Variants in NLRP9 observed in about 807,000 individuals in gnomAD.
NLRP9 encodes NLR family pyrin domain containing 9.
In NLRP9, 88 loss-of-function variants were observed where a neutral mutation model predicts 83.1. That is an observed-to-expected ratio of 1.06 (90% CI 0.89 to 1.26). The LOEUF is 1.26. Among genes scored for constraint, NLRP9 ranks in the 50% most tolerant of loss-of-function variants. NLRP9 has a pLI of 0.00. For missense variants in NLRP9, 1,308 were observed against 1,179.3 expected, an observed-to-expected ratio of 1.11 and a Z score of -1.60; for synonymous variants, 521 against 447.6, an observed-to-expected ratio of 1.16 and a Z score of -2.07.
chr19:55,712,348 T>C, intron 7 of NLRP9, 72 bp downstream of exon 7: 5 of 1,324,350 alleles, frequency 3.8e-6, no homozygotes, highest in Non-Finnish European at 4.3e-6. Context: ...CCTTCCATTC[T>C]ATTGACCCTC....
At chr19:55,730,455 G>GAAAAA (rs748459490) in intron 2 of NLRP9, among the ~76,000 whole-genome samples, 4 of 115,372 alleles carry the variant, frequency 3.5e-5, no homozygotes, top group Non-Finnish European at 7.6e-5. Context: ...CCTGCCTCAA[G>GAAAAA]AAAAAAAAAA....
intron 6 of NLRP9, among the ~76,000 whole-genome samples, chr19:55,714,461 CG>C (rs1472060634): frequency 6.6e-6 from 1 of 152,142 alleles, no homozygotes; most frequent in Non-Finnish European, 1.5e-5. Flanking sequence ...CAGGGCCACT[CG>C]GGACTCCATC....
At chr19:55,727,231 G>A (rs966834564) in intron 3 of NLRP9, among the ~76,000 whole-genome samples, 4 of 152,068 alleles carry the variant, frequency 2.6e-5, no homozygotes, top group African/African-American at 2.4e-5. Flanking sequence ...CAGCCTGGGC[G>A]GCAGAGACTC....
chr19:55,733,071 G>A lies in NLRP9; in HGVS notation c.760C>T (p.Pro254Ser), dbSNP rs1292065673. The change falls in exon 2 of 9, where the codon CCA becomes TCA. Residue 254 changes from proline to serine, a missense_variant. Physicochemically the swap from Pro to Ser is moderately conservative, Grantham distance 74. Transcript: ENST00000332836. Reference protein sequence around the residue: ...SDDWRQRQPMPIILSSLLQKK... With the variant: ...SDDWRQRQPMSIILSSLLQKK... Reference sequence around the variant, plus strand: ...TGCAACAAACTGCTCAGGATAATTGGCATTGGCTGCCGCTGCCTCCAATCA... The same window carrying A: ...TGCAACAAACTGCTCAGGATAATTGACATTGGCTGCCGCTGCCTCCAATCA... The A allele has an allele frequency of 6.2e-7, 1 of 1,613,838 alleles. No individual in the cohort carries two copies. The highest frequency in any genetic ancestry group is 8.5e-7 in the Non-Finnish European group (1 of 1,179,904).
intron 4 of NLRP9, among the ~76,000 whole-genome samples, chr19:55,717,636 GT>G (rs1015060718): frequency 6.6e-6 from 1 of 152,064 alleles, no homozygotes; most frequent in Non-Finnish European, 1.5e-5. Context: ...CCCAAACTGT[GT>G]TTTTTTTCCT....
rs943824838 is a variant in NLRP9 at position 55,708,598 on chromosome 19, C to T, written c.*314G>A. 5.5e-5 allele frequency: 11 copies of T among 198,456 alleles called. No homozygotes were observed. The East Asian group carries it at 7.0e-4, about 13-fold the overall frequency. The allele number at this position is 198,456 out of a possible 1,614,324, so 12.3% of individuals were successfully genotyped here. ...GTGCCTACAAATGCATGCTCCTACA[C>T]ACCAAGACATCCATTAAGAAAATAA... On this transcript the variant is annotated 3_prime_UTR_variant, in exon 9 of 9. Transcript: ENST00000332836.
At chr19:55,729,500 C>T (rs1351852766) in intron 3 of NLRP9, among the ~76,000 whole-genome samples, 4 of 151,956 alleles carry the variant, frequency 2.6e-5, no homozygotes, top group Non-Finnish European at 5.9e-5. Flanking sequence ...GTTTTTTGTC[C>T]TTGCGATAGT....
At chr19:55,726,567 C>T (rs1447863896) in intron 3 of NLRP9, among the ~76,000 whole-genome samples, 1 of 152,212 alleles carries the variant, frequency 6.6e-6, no homozygotes, top group Non-Finnish European at 1.5e-5. Flanking sequence ...AGGAATCAAT[C>T]TACTTCTCTC....
rs1482100314 is a variant in NLRP9 at position 55,732,234 on chromosome 19, A to G, written c.1597T>C (p.Cys533Arg). 6.2e-7 allele frequency: 1 copy of G among 1,614,016 alleles called. No individual in the cohort carries two copies. Among genetic ancestry groups the G allele is most frequent in the South Asian group, 1.1e-5 (1 of 91,056 alleles). ...GCTATGGCTTCCCTATCAGCTTCACATTGACTTAAACTTTCAAGGCATTGG... is the reference window on the plus strand; with the variant it reads ...GCTATGGCTTCCCTATCAGCTTCACGTTGACTTAAACTTTCAAGGCATTGG... ...ITQCLESLSQ[C>R]EADREAIAFQ... is the part of the protein sequence containing the mutation. The change falls in exon 2 of 9, where the codon TGT (cysteine) becomes CGT (arginine). Residue 533 changes from cysteine (C) to arginine (R), a missense_variant. Coordinates refer to ENST00000332836, the MANE Select transcript of NLRP9 (RefSeq NM_176820.4).
rs755819036 is a variant in NLRP9 at position 55,716,694 on chromosome 19, A to C, written c.2330+34T>G. The C allele has an allele frequency of 4.4e-6, 7 of 1,594,174 alleles. No individual in the cohort carries two copies. In the Admixed American group the frequency reaches 6.7e-5, roughly 15 times the overall value. ...GGTGGATCCAGGTGCACGCTTCAGA[A>C]ATCTCCGAACGTGCTTCCCGCAGAC... On this transcript the variant is annotated intron_variant, in intron 5 of 8. Transcript: ENST00000332836.
intron 1 of NLRP9, among the ~76,000 whole-genome samples, chr19:55,736,252 G>A (rs891875441): frequency 7.9e-5 from 12 of 151,928 alleles, no homozygotes; most frequent in East Asian, 3.9e-4. Context: ...TTATCTGGGC[G>A]TGGTGGCAGG....
chr19:55,709,233 A>G (rs1351674238), intron 8 of NLRP9, 189 bp from the exon 9 acceptor site: 2 of 409,250 alleles, frequency 4.9e-6, no homozygotes, highest in Non-Finnish European at 8.6e-6. Flanking sequence ...TTTATACCAT[A>G]AAGTGAAATT....
In NLRP9 at chr19:55,716,754, G is replaced by T. The variant is rs747463587; in HGVS notation, c.2304C>A (p.His768Gln). 1.9e-6 allele frequency: 3 copies of T among 1,613,888 alleles called. No individual in the cohort carries two copies. The East Asian group carries it at 6.7e-5, about 36-fold the overall frequency. The change falls in exon 5 of 9, where the codon CAC becomes CAA. Residue 768 changes from histidine (H) to glutamine (Q), a missense_variant. Coordinates refer to ENST00000332836, the MANE Select transcript of NLRP9 (RefSeq NM_176820.4). ...TCAGCCTCTCCAGGGCACAGTGTGA[G>T]TGCTTCAGGGCTTCACACAGCAACG... ...GMTLLCEALK[H>Q]SHCALERLML...
intron 3 of NLRP9, 85 bp from the exon 4 acceptor site, chr19:55,724,229 T>A: frequency 1.5e-5 from 13 of 876,540 alleles, no homozygotes; most frequent in African/African-American, 3.4e-5. Flanking sequence ...CTTCCTGCCC[T>A]GAATGCTGGG....
chr19:55,712,119 GGACGTATGTCTAGT>G, intron 7 of NLRP9, 149 bp from the exon 8 acceptor site: 1 of 800,970 alleles, frequency 1.2e-6, no homozygotes, highest in Non-Finnish European at 2.0e-6. Flanking sequence ...TGCTCCTGGG[GGACGTATGTCTAGT>G]GACCTTTATC....
At chr19:55,719,657 C>T (rs1398920066) in intron 4 of NLRP9, among the ~76,000 whole-genome samples, 6 of 152,146 alleles carry the variant, frequency 3.9e-5, no homozygotes, top group Non-Finnish European at 7.3e-5. Context: ...TCAAGCCTCT[C>T]GATTGAAACT....
rs1160906651 is a variant in NLRP9, at chr19:55,738,275, A to C, written c.100T>G (p.Leu34Val). ...ATTGGCTTGAGTTCAAATTTCTCCA[A>C]AGGTTGTTTGAGGAGCTCCTTAAAT... ...WKFKELLKQPLEKFELKPIPW... is the reference protein window; with the variant it reads ...WKFKELLKQPVEKFELKPIPW... Residue 34 changes from leucine (L) to valine (V), a missense_variant, in exon 1 of 9, where the codon TTG becomes GTG. Physicochemically the swap from Leu to Val is conservative, Grantham distance 32 (BLOSUM62 1). Coordinates refer to ENST00000332836, the MANE Select transcript of NLRP9 (RefSeq NM_176820.4). 2 of 1,614,090 alleles carry C rather than the reference A, an allele frequency of 1.2e-6. No homozygotes were observed. The highest frequency in any genetic ancestry group is 1.1e-5 in the South Asian group (1 of 91,076).
At chr19:55,730,642 C>G (rs1274284061) in intron 2 of NLRP9, among the ~76,000 whole-genome samples, 1 of 152,004 alleles carries the variant, frequency 6.6e-6, no homozygotes, top group Non-Finnish European at 1.5e-5. Context: ...TTATCCTTAG[C>G]AAACGAATGC....
In NLRP9 at chr19:55,732,610, T is replaced by C. The variant is rs377101900; in HGVS notation, c.1221A>G (p.Thr407=). 7.6e-5 allele frequency: 122 copies of C among 1,614,176 alleles called. 1 individual carries two copies. The African/African-American group carries it at 1.6e-3, about 21-fold the overall frequency. ...ALAAEGIWTY[T]FVFSHGDLRR... is the part of the protein sequence containing the mutation. The stretch of plus-strand genomic sequence containing the variant: ...GGAGATCCCCATGGGAAAATACAAA[T>C]GTATATGTCCAAATTCCCTCTGCAG... The change falls in exon 2 of 9, where the codon ACA becomes ACG. Residue 407 remains threonine, a synonymous_variant. Coordinates refer to ENST00000332836, the MANE Select transcript of NLRP9 (RefSeq NM_176820.4).
Sources: gnomAD v4.1 joint callset for allele counts (sites outside exome capture counted in the v4.1 genomes callset) on GRCh38, gnomAD v4.1.1 for gene constraint, MANE v1.5 for transcripts, NCBI Gene and HGNC (gene_info 2026-07-23, HGNC 2026-07-21) for gene names.